RSBN1L: variants seen among roughly 807,000 people sequenced by gnomAD.
RSBN1L encodes the protein lysine-specific demethylase RSBN1L.
Under a neutral mutation model 67.7 loss-of-function variants are expected in RSBN1L, and 30 were observed. The ratio of observed to expected loss-of-function variants is 0.44; its 90% CI spans 0.33 to 0.60. The LOEUF (loss-of-function observed/expected upper bound fraction) is 0.60. RSBN1L is among the 20% of genes least tolerant of loss of function. RSBN1L has a pLI of 0.02. For synonymous variants in RSBN1L, 433 were observed against 387.0 expected, an observed-to-expected ratio of 1.12 and a Z score of -1.39; for missense variants, 992 against 1,031.7, an observed-to-expected ratio of 0.96 and a Z score of 0.53.
chr7:77,761,014 T>C (rs1446458539), intron 3 of RSBN1L, among the ~76,000 whole-genome samples: 1 of 152,268 alleles, frequency 6.6e-6, no homozygotes, highest in East Asian at 1.9e-4. Flanking sequence ...TAATGTTTAC[T>C]GGAGTGAATA....
At chr7:77,750,149 G>T in intron 3 of RSBN1L, 85 bp downstream of exon 3, 1 of 754,598 alleles carries the variant, frequency 1.3e-6, no homozygotes, top group Non-Finnish European at 1.9e-6. Flanking sequence ...TTATAGGGCT[G>T]AAATAAAAAG....
chr7:77,733,343 A>G (rs1791294618), intron 1 of RSBN1L, among the ~76,000 whole-genome samples: 1 of 152,184 alleles, frequency 6.6e-6, no homozygotes, highest in Admixed American at 6.5e-5. Flanking sequence ...GGATGTTTTG[A>G]TATCAGGAGG....
Position 77,779,506 on chromosome 7 carries a change from CA to C in RSBN1L, c.*340del, listed in dbSNP as rs1791967809. 2 of 149,426 alleles carry C rather than the reference CA, an allele frequency of 1.3e-5. No individual in the cohort carries two copies. Among genetic ancestry groups the C allele is most frequent in the African/African-American group, 4.9e-5 (2 of 40,876 alleles). 9.3% of individuals were successfully genotyped at this position (149,426 alleles called of 1,614,324 possible). Reference sequence around the variant, plus strand: ...AATATGAGCCAGAATTCTTTTTCAACAATTTAAAGCTTTTCCATAGAGCTTA... The same window carrying C: ...AATATGAGCCAGAATTCTTTTTCAACATTTAAAGCTTTTCCATAGAGCTTA... On this transcript the variant is annotated 3_prime_UTR_variant, in exon 8 of 8. Coordinates refer to ENST00000334955, the MANE Select transcript of RSBN1L (RefSeq NM_198467.3).
intron 1 of RSBN1L, among the ~76,000 whole-genome samples, chr7:77,726,751 A>G (rs1791208481): frequency 6.9e-6 from 1 of 145,864 alleles, no homozygotes; most frequent in African/African-American, 2.6e-5. Flanking sequence ...CTGGGACTAC[A>G]GGCGCGTGCC....
rs563366909 is a variant in RSBN1L, at chr7:77,769,599, T to TG, written c.1625+803dup. Among the ~76,000 whole-genome samples the TG allele has an allele frequency of 4.1e-4, 62 of 152,170 alleles. 1 individual carries two copies. In the South Asian group the frequency reaches 5.6e-3, roughly 14 times the overall value. ...CAAACAATGCAGTGGCAATAGTATTTGGGGGGGAAGCGACATCAACAATGA... is the reference window on the plus strand; with the variant it reads ...CAAACAATGCAGTGGCAATAGTATTTGGGGGGGGAAGCGACATCAACAATGA... On this transcript the variant is annotated intron_variant, in intron 5 of 7. Transcript: ENST00000334955.
rs79362753 is a variant in RSBN1L, at chr7:77,779,432, G to A, written c.*264G>A. ...TTGGAATTTTAGGTTTTAGAATAGA[G>A]CTGACATTAACATATATATATATAT... On this transcript the variant is annotated 3_prime_UTR_variant, in exon 8 of 8. Transcript: ENST00000334955. 1,222 of 164,516 alleles carry A rather than the reference G, an allele frequency of 7.4e-3. 15 individuals are homozygous for A. The highest frequency in any genetic ancestry group is 0.033 in the African/African-American group (1,157 of 35,452). 10.2% of individuals were successfully genotyped at this position (164,516 alleles called of 1,614,324 possible).
chr7:77,733,530 C>T (rs980767029), intron 1 of RSBN1L, among the ~76,000 whole-genome samples: 10 of 151,960 alleles, frequency 6.6e-5, no homozygotes, highest in Non-Finnish European at 1.3e-4. Context: ...TTAATATGTG[C>T]CCATTGCAGA....
chr7:77,716,326 T>C (rs1014327481), intron 1 of RSBN1L, among the ~76,000 whole-genome samples: 4 of 152,190 alleles, frequency 2.6e-5, no homozygotes, highest in South Asian at 2.1e-4. Flanking sequence ...TGTTTTGTTT[T>C]TGTTTTTGTT....
intron 2 of RSBN1L, among the ~76,000 whole-genome samples, chr7:77,743,946 G>T (rs894473645): frequency 2.0e-5 from 3 of 151,836 alleles, no homozygotes; most frequent in Admixed American, 2.0e-4. Flanking sequence ...AGCTGATCTC[G>T]AACTCCTGGC....
chr7:77,780,711 C>G lies in RSBN1L; in HGVS notation c.*1543C>G, dbSNP rs181916986. 1.2e-3 allele frequency: 178 copies of G among 152,276 alleles called. 1 individual carries two copies. The highest frequency in any genetic ancestry group is 4.2e-3 in the African/African-American group (173 of 41,552). The allele number at this position is 152,276 out of a possible 1,614,324, so 9.4% of individuals were successfully genotyped here. On this transcript the variant is annotated 3_prime_UTR_variant, in exon 8 of 8. Transcript: ENST00000334955. ...CTTATCTCTCAGGATCTCCTCCCTA[C>G]CCTAGCAAGGCAAACAACTTGGAGT...
intron 1 of RSBN1L, among the ~76,000 whole-genome samples, chr7:77,724,598 G>T (rs1791170149): frequency 6.6e-6 from 1 of 150,892 alleles, no homozygotes; most frequent in African/African-American, 2.4e-5. Context: ...GCTAATTTTT[G>T]TATTTTTAGT....
intron 2 of RSBN1L, among the ~76,000 whole-genome samples, chr7:77,738,955 A>G (rs1451807621): frequency 6.6e-6 from 1 of 152,170 alleles, no homozygotes; most frequent in Non-Finnish European, 1.5e-5. Context: ...ACAAAAAACA[A>G]AAAACACCAA....
chr7:77,703,322 A>G (rs1031261162), intron 1 of RSBN1L, among the ~76,000 whole-genome samples: 5 of 151,756 alleles, frequency 3.3e-5, no homozygotes, highest in African/African-American at 1.2e-4. Context: ...GATAAAGAGG[A>G]TTGTTTGTCA....
At position 77,708,385 on chromosome 7, in the gene RSBN1L, A is replaced by T. The variant is rs958473453; in HGVS notation, c.586+11330A>T. The stretch of plus-strand genomic sequence containing the variant: ...GCCTTCCTTTTGCCAGGATGAGACT[A>T]TTTTTTTTTTTTTTTGAGATAAGTC... On this transcript the variant is annotated intron_variant, in intron 1 of 7. Coordinates refer to ENST00000334955, the MANE Select transcript of RSBN1L (RefSeq NM_198467.3). 1.0e-3 allele frequency among the ~76,000 whole-genome samples: 144 copies of T among 142,392 alleles called. 1 individual carries two copies. The highest frequency in any genetic ancestry group is 2.5e-3 in the Admixed American group (36 of 14,150). The allele number at this position is 142,392 out of a possible 152,430, so 93.4% of individuals were successfully genotyped here.
At chr7:77,714,615 T>C (rs1791021617) in intron 1 of RSBN1L, among the ~76,000 whole-genome samples, 1 of 152,148 alleles carries the variant, frequency 6.6e-6, no homozygotes, top group South Asian at 2.1e-4. Context: ...ATTTGGGTTG[T>C]TTCTAGTATT....
chr7:77,699,087 A>G (rs1193891425), intron 1 of RSBN1L, among the ~76,000 whole-genome samples: 1 of 152,218 alleles, frequency 6.6e-6, no homozygotes, highest in Non-Finnish European at 1.5e-5. Context: ...TTTGCAATAC[A>G]ATGATCATTT....
intron 1 of RSBN1L, among the ~76,000 whole-genome samples, chr7:77,715,932 G>A (rs1791042633): frequency 2.0e-5 from 3 of 152,098 alleles, no homozygotes; most frequent in Admixed American, 6.5e-5. Context: ...CAAAGTGTCT[G>A]TTATTGGGTT....
At chr7:77,766,375 G>C (rs1192299194) in intron 4 of RSBN1L, among the ~76,000 whole-genome samples, 3 of 152,132 alleles carry the variant, frequency 2.0e-5, no homozygotes, top group Non-Finnish European at 4.4e-5. Context: ...TGTGGAAATG[G>C]GGTTTCACCA....
intron 5 of RSBN1L, 132 bp downstream of exon 5, chr7:77,768,935 A>G: frequency 3.0e-6 from 2 of 661,432 alleles, no homozygotes; most frequent in Non-Finnish European, 5.1e-6. Context: ...AAAAATAGCG[A>G]TACATGCTAA....
Sources: allele counts gnomAD v4.1 joint callset (sites outside exome capture counted in the v4.1 genomes callset), GRCh38; gene constraint gnomAD v4.1.1; transcripts MANE v1.5; gene names NCBI Gene and HGNC (gene_info 2026-07-23, HGNC 2026-07-21).